The following ITSN1 variants were observed in gnomAD, a reference collection of about 807,000 sequenced individuals.
ITSN1 encodes intersectin-1.
A neutral mutation model predicts 239.8 loss-of-function variants in ITSN1; 58 were observed. That is an observed-to-expected ratio of 0.24 (90% CI 0.20 to 0.30). The LOEUF is 0.30. Ranked by LOEUF, ITSN1 falls within the 10% of genes least tolerant of loss-of-function variation. The pLI is 1.00. For synonymous variants in ITSN1, 780 were observed against 770.8 expected, an observed-to-expected ratio of 1.01 and a Z score of -0.20; for missense variants, 1,558 against 2,103.3, an observed-to-expected ratio of 0.74 and a Z score of 5.07.
At chr21:33,648,401 A>G (rs1352433431) in intron 1 of ITSN1, among the ~76,000 whole-genome samples, 1 of 152,178 alleles carries the variant, frequency 6.6e-6, no homozygotes, top group African/African-American at 2.4e-5. Context: ...TGTTTCCTAG[A>G]CATGTTTTAT....
chr21:33,792,963 C>T (rs954606997), intron 16 of ITSN1, among the ~76,000 whole-genome samples: 4 of 151,682 alleles, frequency 2.6e-5, no homozygotes, highest in African/African-American at 9.7e-5. Context: ...CCTCCAGTAC[C>T]TTCCTCTTCC....
chr21:33,643,226 G>A (rs1377004743), intron 1 of ITSN1: 4 of 152,044 alleles, frequency 2.6e-5, no homozygotes, highest in Non-Finnish European at 4.4e-5. Context: ...CAAGCCTGCA[G>A]AATCCTGGGT....
chr21:33,702,826 C>T (rs962855757), intron 1 of ITSN1, among the ~76,000 whole-genome samples: 1 of 152,088 alleles, frequency 6.6e-6, no homozygotes, highest in Non-Finnish European at 1.5e-5. Context: ...GCCTGTAATC[C>T]TAGCACTTTG....
At position 33,895,479 on chromosome 21, in the gene ITSN1, G is replaced by C. The variant is rs1400531435; in HGVS notation, c.*7179G>C. 3.3e-5 allele frequency: 5 copies of C among 151,816 alleles called. No individual in the cohort carries two copies. Among genetic ancestry groups the C allele is most frequent in the African/African-American group, 9.8e-5 (4 of 41,018 alleles). 9.4% of individuals were successfully genotyped at this position (151,816 alleles called of 1,614,324 possible). A position where few individuals can be genotyped will look rare whatever the true frequency, so the allele number is the denominator to read the frequency against. ...TGCACGTGTGCGTGTGTGTGCATGG[G>C]TTTGCGTGCATGCATGTGTGTGCGT... On this transcript the variant is annotated 3_prime_UTR_variant, in exon 40 of 40. Coordinates refer to ENST00000381318, the MANE Select transcript of ITSN1 (RefSeq NM_003024.3).
Position 33,794,390 on chromosome 21 carries a change from T to A in ITSN1, c.1874T>A (p.Met625Lys). Residue 625 changes from methionine to lysine, a missense_variant, in exon 17 of 40, where the codon ATG becomes AAG. Met to Lys is a moderately conservative substitution (Grantham distance 95, BLOSUM62 -1). Transcript: ENST00000381318. Reference sequence around the variant, plus strand: ...CAACAACTCCAGAAGCAAAAGTCCATGGAGGCTGAACGACTGAAACAGAAA... The same window carrying A: ...CAACAACTCCAGAAGCAAAAGTCCAAGGAGGCTGAACGACTGAAACAGAAA... ...NKQQLQKQKS[M>K]EAERLKQKEQ... 1 of 1,613,962 alleles carries A rather than the reference T, an allele frequency of 6.2e-7. No individual in the cohort carries two copies. The highest frequency in any genetic ancestry group is 8.5e-7 in the Non-Finnish European group (1 of 1,179,964).
At chr21:33,777,785 C>T (rs141512580) in intron 14 of ITSN1, among the ~76,000 whole-genome samples, 1 of 152,212 alleles carries the variant, frequency 6.6e-6, no homozygotes, top group Non-Finnish European at 1.5e-5. Context: ...TCTGTGATTG[C>T]TTAACTAACT....
chr21:33,829,792 T>C, intron 27 of ITSN1, 47 bp downstream of exon 27: 2 of 1,607,332 alleles, frequency 1.2e-6, no homozygotes, highest in African/African-American at 2.7e-5. Context: ...CAAGTTTCAA[T>C]ACACAAAATC....
chr21:33,673,308 A>G (rs916463545), intron 1 of ITSN1, among the ~76,000 whole-genome samples: 4 of 152,218 alleles, frequency 2.6e-5, no homozygotes, highest in African/African-American at 9.6e-5. Flanking sequence ...GAATAAAACT[A>G]GAGATCTAAT....
At chr21:33,715,250 A>G (rs1358645705) in intron 1 of ITSN1, among the ~76,000 whole-genome samples, 3 of 86,044 alleles carry the variant, frequency 3.5e-5, no homozygotes, top group African/African-American at 1.4e-4. Context: ...CTTTATTTCC[A>G]GAAAATATAG....
chr21:33,847,438 G>A (rs969856793), intron 29 of ITSN1, among the ~76,000 whole-genome samples: 5 of 152,350 alleles, frequency 3.3e-5, no homozygotes, highest in Admixed American at 6.5e-5. Flanking sequence ...TTGAAAAGCC[G>A]GTGGTTTCCT....
chr21:33,855,171 G>C (rs529581693), intron 29 of ITSN1, among the ~76,000 whole-genome samples: 3 of 152,302 alleles, frequency 2.0e-5, no homozygotes, highest in East Asian at 3.9e-4. Flanking sequence ...ATGGAAACTC[G>C]AGGAACCCCT....
chr21:33,715,977 C>CA (rs2065113071), intron 1 of ITSN1, among the ~76,000 whole-genome samples: 1 of 151,960 alleles, frequency 6.6e-6, no homozygotes, highest in Non-Finnish European at 1.5e-5. Context: ...TAAGGAGAAA[C>CA]ATAACAGTAA....
At chr21:33,787,327 A>G (rs1321200523) in intron 16 of ITSN1, among the ~76,000 whole-genome samples, 1 of 152,194 alleles carries the variant, frequency 6.6e-6, no homozygotes, top group African/African-American at 2.4e-5. Flanking sequence ...TGTGTATAGC[A>G]TTTTATTTTC....
chr21:33,643,144 C>T (rs985560224), intron 1 of ITSN1, among the ~76,000 whole-genome samples: 1 of 151,594 alleles, frequency 6.6e-6, no homozygotes, highest in Non-Finnish European at 1.5e-5. Context: ...GCCGGCCTCC[C>T]GGGGACCCGC....
chr21:33,650,367 G>T (rs760377965), intron 1 of ITSN1, among the ~76,000 whole-genome samples: 1 of 152,120 alleles, frequency 6.6e-6, no homozygotes, highest in African/African-American at 2.4e-5. Flanking sequence ...ATTGGAATTG[G>T]AGCTCCAACG....
At chr21:33,868,874 A>C (rs1176331229) in intron 33 of ITSN1, among the ~76,000 whole-genome samples, 1 of 151,898 alleles carries the variant, frequency 6.6e-6, no homozygotes, top group Non-Finnish European at 1.5e-5. Context: ...GCACGCTGTC[A>C]CCTCTCAATA....
chr21:33,833,834 T>C (rs1443725387), intron 27 of ITSN1, among the ~76,000 whole-genome samples: 2 of 145,772 alleles, frequency 1.4e-5, no homozygotes, highest in African/African-American at 5.2e-5. Flanking sequence ...ATCGTGCCAC[T>C]GCACTCCAGC....
At position 33,895,530 on chromosome 21, in the gene ITSN1, T is replaced by TGCGC. The variant is rs10641451; in HGVS notation, c.*7231_*7232insCGCG. On this transcript the variant is annotated 3_prime_UTR_variant, in exon 40 of 40. Coordinates refer to ENST00000381318, the MANE Select transcript of ITSN1 (RefSeq NM_003024.3). ...GCGCGTGTTTGTGTGTGCATGTGTG[T>TGCGC]GTGTCTACGTGTGTGTGCACGCATG... 2 of 147,250 alleles carry TGCGC rather than the reference T, an allele frequency of 1.4e-5. No homozygotes were observed. The highest frequency in any genetic ancestry group is 5.0e-5 in the African/African-American group (2 of 40,244). The allele number at this position is 147,250 out of a possible 1,614,324, so 9.1% of individuals were successfully genotyped here. A position where few individuals can be genotyped will look rare whatever the true frequency, so the allele number is the denominator to read the frequency against.
At chr21:33,672,421 A>G (rs79467117) in intron 1 of ITSN1, among the ~76,000 whole-genome samples, 80 of 152,290 alleles carry the variant, frequency 5.3e-4, no homozygotes, top group Non-Finnish European at 1.0e-3. Flanking sequence ...TGAAACCACA[A>G]TGAGGTACCA....
Sources: gnomAD v4.1 joint callset for allele counts (sites outside exome capture counted in the v4.1 genomes callset) on GRCh38, gnomAD v4.1.1 for gene constraint, MANE v1.5 for transcripts, NCBI Gene and HGNC (gene_info 2026-07-23, HGNC 2026-07-21) for gene names.